BIVM: variants seen among roughly 807,000 people sequenced by gnomAD.
The protein encoded by BIVM is basic, immunoglobulin-like variable motif containing, also known as basic immunoglobulin-like variable motif-containing protein.
In BIVM, 31 loss-of-function variants were observed where a neutral mutation model predicts 61.4. The ratio of observed to expected loss-of-function variants is 0.51; its 90% CI spans 0.38 to 0.68. The LOEUF is 0.68. BIVM is among the 30% of genes least tolerant of loss of function. The pLI is 0.00. For synonymous variants in BIVM, 189 were observed against 210.7 expected (o/e 0.90, Z 0.89); for missense variants, 526 against 596.0 (o/e 0.88, Z 1.22).
At chr13:102,823,962 T>G (rs1880474360) in intron 7 of BIVM, among the ~76,000 whole-genome samples, 1 of 152,236 alleles carries the variant, frequency 6.6e-6, no homozygotes, top group Non-Finnish European at 1.5e-5. Context: ...TTGAGGTGTC[T>G]TCGTGTGCCA....
chr13:102,822,007 A>T, intron 6 of BIVM, 58 bp from the exon 7 acceptor site: 6 of 1,595,504 alleles, frequency 3.8e-6, no homozygotes, highest in Non-Finnish European at 5.1e-6. Flanking sequence ...TAGAATTGGA[A>T]TAATGCCATC....
rs1489620780 is a variant in BIVM, at chr13:102,841,141, T to A, written c.*1276T>A. The A allele has an allele frequency of 6.6e-6, 1 of 152,568 alleles. No individual in the cohort carries two copies. Among genetic ancestry groups the A allele is most frequent in the East Asian group, 1.9e-4 (1 of 5,188 alleles). The allele number at this position is 152,568 out of a possible 1,614,324, so 9.5% of individuals were successfully genotyped here. On this transcript the variant is annotated 3_prime_UTR_variant, in exon 11 of 11. Transcript: ENST00000257336. ...TTGAGCTCCTCTAGTTGCTGTTGGT[T>A]TTTCTTCTGCTGCCAACCTGTGACT... is the stretch of plus-strand genomic sequence containing the variant.
At chr13:102,837,210 C>T (rs1280327470) in intron 9 of BIVM, among the ~76,000 whole-genome samples, 3 of 151,926 alleles carry the variant, frequency 2.0e-5, no homozygotes, top group Non-Finnish European at 4.4e-5. Flanking sequence ...CCTGGGAGGT[C>T]GAGGCTGCAG....
intron 4 of BIVM, 90 bp from the exon 5 acceptor site, chr13:102,820,946 AT>A (rs1880229110): frequency 8.3e-7 from 1 of 1,209,984 alleles, no homozygotes; most frequent in African/African-American, 1.5e-5. Context: ...TTTTCATTAT[AT>A]TAACACCTTT....
In BIVM at chr13:102,821,776, T is replaced by C. The variant is rs1487969515; in HGVS notation, c.735T>C (p.His245=). Reference sequence around the variant, plus strand: ...CTATTACCCAAGAAGAAGCTTTACATATTCTGGGCTTTCAACCTCCATTTG... The same window carrying C: ...CTATTACCCAAGAAGAAGCTTTACACATTCTGGGCTTTCAACCTCCATTTG... The part of the protein sequence containing the change: ...LPPITQEEAL[H]ILGFQPPFED... Residue 245 remains histidine (H), a synonymous_variant, in exon 6 of 11, where the codon CAT becomes CAC. Transcript: ENST00000257336. 3.7e-6 allele frequency: 6 copies of C among 1,613,872 alleles called. No homozygotes were observed. Among genetic ancestry groups the C allele is most frequent in the Non-Finnish European group, 5.1e-6 (6 of 1,179,982 alleles).
chr13:102,811,265 A>G (rs1879475684), intron 3 of BIVM, among the ~76,000 whole-genome samples: 1 of 152,204 alleles, frequency 6.6e-6, no homozygotes, highest in Non-Finnish European at 1.5e-5. Context: ...GGGCAAGTCT[A>G]GTGGTAATAA....
At chr13:102,812,953 G>T (rs984128985) in intron 3 of BIVM, among the ~76,000 whole-genome samples, 5 of 152,188 alleles carry the variant, frequency 3.3e-5, no homozygotes, top group Admixed American at 6.5e-5. Context: ...CCCACAAACT[G>T]CCTGAAGCTT....
chr13:102,822,272 AT>A, intron 7 of BIVM, 113 bp downstream of exon 7: 1 of 989,166 alleles, frequency 1.0e-6, no homozygotes, highest in Non-Finnish European at 1.5e-6. Flanking sequence ...TTCCTGGGAC[AT>A]TATGTAAACC....
intron 2 of BIVM, among the ~76,000 whole-genome samples, chr13:102,806,593 A>G (rs936096381): frequency 1.3e-5 from 2 of 152,126 alleles, no homozygotes; most frequent in African/African-American, 4.8e-5. Context: ...CACTATTCAG[A>G]TACTTTGCCC....
At chr13:102,814,395 G>A (rs972323403) in intron 3 of BIVM, among the ~76,000 whole-genome samples, 1 of 152,100 alleles carries the variant, frequency 6.6e-6, no homozygotes, top group African/African-American at 2.4e-5. Context: ...TATGCTAATT[G>A]ATCCCAGGGG....
chr13:102,833,327 G>GGTT lies in BIVM; in HGVS notation c.1035-1139_1035-1138insGTT, dbSNP rs1555323636. 5.0e-5 allele frequency among the ~76,000 whole-genome samples: 4 copies of GGTT among 79,598 alleles called. 1 individual carries two copies. In the Admixed American group the frequency reaches 5.0e-4, roughly 10 times the overall value. 52.2% of individuals were successfully genotyped at this position (79,598 alleles called of 152,430 possible). On this transcript the variant is annotated intron_variant, in intron 8 of 10. Transcript: ENST00000257336. ...TGGCTTGGTCATGGGGATAGGATGG[G>GGTT]TTTTTTTTTTTTTTTTTTGAGACAA... is the stretch of plus-strand genomic sequence containing the variant.
chr13:102,804,243 C>T (rs1313931557), intron 1 of BIVM, among the ~76,000 whole-genome samples: 1 of 151,724 alleles, frequency 6.6e-6, no homozygotes, highest in African/African-American at 2.4e-5. Context: ...CACCTTCGAG[C>T]CTCAAGCAAT....
At chr13:102,809,841 A>T (rs775610766) in intron 3 of BIVM, among the ~76,000 whole-genome samples, 52 of 146,752 alleles carry the variant, frequency 3.5e-4, no homozygotes, top group Admixed American at 1.3e-3. Flanking sequence ...GCTGGAGTGC[A>T]GTGGCGCGAT....
chr13:102,835,218 A>C (rs1595365207), intron 9 of BIVM, among the ~76,000 whole-genome samples: 1 of 152,114 alleles, frequency 6.6e-6, no homozygotes, highest in Non-Finnish European at 1.5e-5. Flanking sequence ...GTCTCTACAA[A>C]AAAATTAAAA....
intron 2 of BIVM, 76 bp downstream of exon 2, chr13:102,805,466 CT>C (rs895672669): frequency 3.3e-5 from 5 of 152,068 alleles, no homozygotes; most frequent in African/African-American, 1.2e-4. Flanking sequence ...ATCATGTATC[CT>C]TTATGCCTAT....
intron 9 of BIVM, among the ~76,000 whole-genome samples, chr13:102,837,643 T>G (rs1048849226): frequency 6.6e-6 from 1 of 152,168 alleles, no homozygotes; most frequent in Non-Finnish European, 1.5e-5. Context: ...AGATGGAGAA[T>G]CAACCTAAGT....
chr13:102,827,134 A>G (rs1293203544), intron 7 of BIVM, among the ~76,000 whole-genome samples: 1 of 151,954 alleles, frequency 6.6e-6, no homozygotes, highest in East Asian at 1.9e-4. Flanking sequence ...GATCTTTTGA[A>G]TATCTGTACT....
At chr13:102,805,991 T>G (rs553689285) in intron 2 of BIVM, among the ~76,000 whole-genome samples, 1 of 152,372 alleles carries the variant, frequency 6.6e-6, no homozygotes, top group South Asian at 2.1e-4. Flanking sequence ...TATTTTCATC[T>G]GTCACGGATA....
chr13:102,811,342 C>T (rs1448043511), intron 3 of BIVM, among the ~76,000 whole-genome samples: 1 of 152,134 alleles, frequency 6.6e-6, no homozygotes, highest in Non-Finnish European at 1.5e-5. Flanking sequence ...GACAGTTTTG[C>T]TGGATTTAGA....
Sources: gnomAD v4.1 joint callset for allele counts (sites outside exome capture counted in the v4.1 genomes callset) on GRCh38, gnomAD v4.1.1 for gene constraint, MANE v1.5 for transcripts, NCBI Gene and HGNC (gene_info 2026-07-23, HGNC 2026-07-21) for gene names.